DLGAP2: variants seen among roughly 807,000 people sequenced by gnomAD.
The protein encoded by DLGAP2 is disks large-associated protein 2.
Under a neutral mutation model 100.3 loss-of-function variants are expected in DLGAP2, and 26 were observed. The ratio of observed to expected loss-of-function variants is 0.26; its 90% CI spans 0.19 to 0.36. The LOEUF (loss-of-function observed/expected upper bound fraction) is 0.36, where lower values mean the gene tolerates loss of function less well. DLGAP2 is among the 10% of genes least tolerant of loss of function. The pLI is 1.00. For missense variants in DLGAP2, 1,858 were observed against 1,453.2 expected (o/e 1.28, Z -4.53); for synonymous variants, 886 against 630.1 (o/e 1.41, Z -6.08).
chr8:1,344,209 G>GTGGGTCTTTGTACTCGGGGCGCTGTCA (rs1801501979), intron 3 of DLGAP2, among the ~76,000 whole-genome samples: 1 of 148,278 alleles, frequency 6.7e-6, no homozygotes, highest in Non-Finnish European at 1.5e-5. Context: ...GGGCCCTGTC[G>GTGGGTCTTTGTACTCGGGGCGCTGTCA]TGGGGCCTGT....
At chr8:1,533,428 C>A (rs1308400191) in intron 4 of DLGAP2, among the ~76,000 whole-genome samples, 1 of 151,726 alleles carries the variant, frequency 6.6e-6, no homozygotes, top group Non-Finnish European at 1.5e-5. Context: ...ATGGTGTGAA[C>A]CTGGGAGGCA....
chr8:1,701,946 CCTGT>C lies in DLGAP2; in HGVS notation c.*547_*550del, dbSNP rs1799585946. ...GCACGGGCCGCTCCGCTCCCCTGCT[CCTGT>C]CTGTCTCGGACAGAAAACACGAGGC... On this transcript the variant is annotated 3_prime_UTR_variant, in exon 15 of 15. Coordinates refer to ENST00000637795, the MANE Select transcript of DLGAP2 (RefSeq NM_001346810.2). 1 of 152,464 alleles carries C rather than the reference CCTGT, an allele frequency of 6.6e-6. No homozygotes were observed. Among genetic ancestry groups the C allele is most frequent in the African/African-American group, 2.4e-5 (1 of 41,438 alleles). 9.4% of individuals were successfully genotyped at this position (152,464 alleles called of 1,614,324 possible). A position where few individuals can be genotyped will look rare whatever the true frequency, so the allele number is the denominator to read the frequency against.
intron 1 of DLGAP2, among the ~76,000 whole-genome samples, chr8:779,487 A>C (rs1396113350): frequency 7.0e-6 from 1 of 142,670 alleles, no homozygotes; most frequent in Non-Finnish European, 1.5e-5. Flanking sequence ...TTTTTCAGAC[A>C]GGGTCTTGCT....
At chr8:1,162,135 G>A (rs998983408) in intron 2 of DLGAP2, among the ~76,000 whole-genome samples, 24 of 152,230 alleles carry the variant, frequency 1.6e-4, no homozygotes, top group African/African-American at 5.1e-4. Context: ...AGGAGGCTAC[G>A]GAGGCAGGAA....
rs777684714 is a variant in DLGAP2, at chr8:1,450,873, GAC to G, written c.107-50490_107-50489del. On this transcript the variant is annotated intron_variant, in intron 3 of 14. Transcript: ENST00000637795. ...AAATCATAATATTTATTTTAAAAGAGACACCGTAATAAACAGTCCTCTATGAA... is the reference window on the plus strand; with the variant it reads ...AAATCATAATATTTATTTTAAAAGAGACCGTAATAAACAGTCCTCTATGAA... Among the ~76,000 whole-genome samples, 77 of 152,276 alleles carry G rather than the reference GAC, an allele frequency of 5.1e-4. 1 individual carries two copies. The highest frequency in any genetic ancestry group is 3.4e-3 in the Middle Eastern group (1 of 294).
At chr8:893,846 C>T (rs530043762) in intron 1 of DLGAP2, among the ~76,000 whole-genome samples, 3 of 152,200 alleles carry the variant, frequency 2.0e-5, no homozygotes, top group Non-Finnish European at 2.9e-5. Context: ...GCATGGGGCC[C>T]GAGCCCCTCC....
At chr8:1,502,704 T>C (rs1799765152) in intron 4 of DLGAP2, among the ~76,000 whole-genome samples, 1 of 152,210 alleles carries the variant, frequency 6.6e-6, no homozygotes, top group African/African-American at 2.4e-5. Context: ...TCAGCCTGCC[T>C]GGGGAGGCTT....
intron 2 of DLGAP2, among the ~76,000 whole-genome samples, chr8:1,141,457 A>T (rs1796520893): frequency 6.6e-6 from 1 of 152,202 alleles, no homozygotes. Context: ...CACACAGCTG[A>T]TGGTTAGAAG....
intron 2 of DLGAP2, among the ~76,000 whole-genome samples, chr8:1,203,542 T>C (rs13267423): frequency 0.57 from 85,991 of 151,944 alleles, 26,735 homozygotes; most frequent in African/African-American, 0.83. Flanking sequence ...GTGGAACAGA[T>C]GCTAAAGGTT....
At chr8:1,006,009 T>G (rs1357687936) in intron 2 of DLGAP2, among the ~76,000 whole-genome samples, 1 of 152,004 alleles carries the variant, frequency 6.6e-6, no homozygotes, top group East Asian at 1.9e-4. Context: ...GCCAACATGG[T>G]GAAACCCTGT....
intron 1 of DLGAP2, among the ~76,000 whole-genome samples, chr8:827,676 C>T (rs1706930482): frequency 6.6e-6 from 1 of 152,170 alleles, no homozygotes; most frequent in Non-Finnish European, 1.5e-5. Context: ...ACTTCTGGGT[C>T]AACCCACAAT....
chr8:1,481,393 C>A (rs371863399), intron 3 of DLGAP2, among the ~76,000 whole-genome samples: 2 of 151,280 alleles, frequency 1.3e-5, no homozygotes, highest in African/African-American at 2.4e-5. Context: ...AATGGCAAAG[C>A]CTTTTCCAGA....
chr8:853,279 G>T (rs1400514041), intron 1 of DLGAP2, among the ~76,000 whole-genome samples: 1 of 152,328 alleles, frequency 6.6e-6, no homozygotes, highest in East Asian at 1.9e-4. Flanking sequence ...CGAGATGGAA[G>T]CTTCCAGAGC....
At chr8:1,077,113 C>G (rs1803646275) in intron 2 of DLGAP2, among the ~76,000 whole-genome samples, 1 of 152,206 alleles carries the variant, frequency 6.6e-6, no homozygotes, top group Non-Finnish European at 1.5e-5. Flanking sequence ...GTTCCGTGGC[C>G]TGATAGTCCC....
At chr8:765,796 C>A (rs968234266) in intron 1 of DLGAP2, among the ~76,000 whole-genome samples, 1 of 152,120 alleles carries the variant, frequency 6.6e-6, no homozygotes, top group Admixed American at 6.6e-5. Context: ...TACACAGACA[C>A]ACACACACGC....
At chr8:1,636,509 A>G (rs753624257) in intron 8 of DLGAP2, among the ~76,000 whole-genome samples, 2 of 152,246 alleles carry the variant, frequency 1.3e-5, no homozygotes, top group Non-Finnish European at 2.9e-5. Flanking sequence ...CTGTTTTTCA[A>G]TACTATGATT....
chr8:824,118 A>T (rs1796641422), intron 1 of DLGAP2, among the ~76,000 whole-genome samples: 1 of 150,626 alleles, frequency 6.6e-6, no homozygotes, highest in African/African-American at 2.5e-5. Context: ...TCTGTCACTC[A>T]GGCTGGAATG....
At chr8:1,339,773 A>G (rs772739846) in intron 3 of DLGAP2, among the ~76,000 whole-genome samples, 13 of 152,202 alleles carry the variant, frequency 8.5e-5, no homozygotes, top group Non-Finnish European at 1.9e-4. Flanking sequence ...TCCTAGATCC[A>G]GATACTCCAA....
intron 2 of DLGAP2, among the ~76,000 whole-genome samples, chr8:975,440 TAAAG>T (rs1800137959): frequency 6.6e-6 from 1 of 152,082 alleles, no homozygotes; most frequent in Admixed American, 6.5e-5. Flanking sequence ...AAAAGACATT[TAAAG>T]AAAGGATCAC....
Sources: allele counts gnomAD v4.1 joint callset (sites outside exome capture counted in the v4.1 genomes callset), GRCh38; gene constraint gnomAD v4.1.1; transcripts MANE v1.5; gene names NCBI Gene and HGNC (gene_info 2026-07-23, HGNC 2026-07-21).